EXOC6B: variants seen among roughly 807,000 people sequenced by gnomAD.
EXOC6B encodes exocyst complex component 6B.
In EXOC6B, 54 loss-of-function variants were observed where a neutral mutation model predicts 113.5. The ratio of observed to expected loss-of-function variants is 0.48; its 90% CI spans 0.38 to 0.60. The LOEUF is 0.60. EXOC6B is among the 20% of genes least tolerant of loss of function. The probability of loss-of-function intolerance (pLI) is 0.00; values close to 1 mark genes in which losing one functional copy is unlikely to be tolerated. For missense variants in EXOC6B, 797 were observed against 977.5 expected (o/e 0.82, Z 2.46); for synonymous variants, 357 against 339.0 (o/e 1.05, Z -0.58).
chr2:72,379,672 T>C, intron 19 of EXOC6B, 57 bp downstream of exon 19: 1 of 1,534,090 alleles, frequency 6.5e-7, no homozygotes, highest in Non-Finnish European at 8.8e-7. Flanking sequence ...TTTTTTCCCC[T>C]GACAGAAATG....
At position 72,620,100 on chromosome 2, in the gene EXOC6B, C is replaced by G. The variant is rs111563008; in HGVS notation, c.670-44432G>C. 5.4e-4 allele frequency among the ~76,000 whole-genome samples: 82 copies of G among 152,358 alleles called. 1 individual carries two copies. The highest frequency in any genetic ancestry group is 1.8e-3 in the African/African-American group (74 of 41,584). On this transcript the variant is annotated intron_variant, in intron 6 of 21. Coordinates refer to ENST00000272427, the MANE Select transcript of EXOC6B (RefSeq NM_015189.3). ...GGTGCATCTATTCCTCCCAGTCCTT[C>G]GAGGAAGCTGGCCTCACTATCTTCT...
intron 11 of EXOC6B, among the ~76,000 whole-genome samples, chr2:72,505,989 C>G: frequency 6.6e-6 from 1 of 152,040 alleles, no homozygotes; most frequent in East Asian, 1.9e-4. Context: ...GAAACTCAAC[C>G]AAATATATTA....
chr2:72,800,049 A>G (rs943496674), intron 1 of EXOC6B, among the ~76,000 whole-genome samples: 2 of 152,152 alleles, frequency 1.3e-5, no homozygotes, highest in African/African-American at 4.8e-5. Context: ...TGGGCAACAG[A>G]GCAAGACCGT....
chr2:72,693,592 G>A (rs1677656810), intron 6 of EXOC6B, among the ~76,000 whole-genome samples: 1 of 152,084 alleles, frequency 6.6e-6, no homozygotes, highest in South Asian at 2.1e-4. Context: ...CAATGCACAA[G>A]ATCAAACAAT....
chr2:72,464,788 A>C (rs1697933657), intron 18 of EXOC6B: 5 of 211,072 alleles, frequency 2.4e-5, no homozygotes, highest in Non-Finnish European at 4.7e-5. Flanking sequence ...TCATCAAAGA[A>C]TTTCAGTTTA....
At chr2:72,633,786 C>T (rs1672643516) in intron 6 of EXOC6B, among the ~76,000 whole-genome samples, 1 of 151,968 alleles carries the variant, frequency 6.6e-6, no homozygotes, top group South Asian at 2.1e-4. Flanking sequence ...CAGGGTCTGT[C>T]CCATTAAATA....
chr2:72,768,949 CA>C (rs577764550), intron 1 of EXOC6B, among the ~76,000 whole-genome samples: 1 of 150,988 alleles, frequency 6.6e-6, no homozygotes, highest in Non-Finnish European at 1.5e-5. Flanking sequence ...CCTGTCTCTA[CA>C]AAAAAAAATT....
intron 5 of EXOC6B, among the ~76,000 whole-genome samples, chr2:72,721,364 T>TA (rs11408155): frequency 0.15 from 4,202 of 28,402 alleles, 726 homozygotes; most frequent in African/African-American, 0.52. Context: ...GTTGTTTTTG[T>TA]AAAAAAAAAA....
intron 20 of EXOC6B, among the ~76,000 whole-genome samples, chr2:72,253,494 T>C (rs941114873): frequency 6.6e-6 from 1 of 152,150 alleles, no homozygotes; most frequent in Admixed American, 6.5e-5. Flanking sequence ...TACATATATG[T>C]CATAGAATAC....
At chr2:72,685,623 A>T in intron 6 of EXOC6B, among the ~76,000 whole-genome samples, 1 of 152,178 alleles carries the variant, frequency 6.6e-6, no homozygotes, top group Non-Finnish European at 1.5e-5. Flanking sequence ...ATACTCACTA[A>T]CATTCTTAGG....
chr2:72,798,618 A>G (rs1176111712), intron 1 of EXOC6B, among the ~76,000 whole-genome samples: 1 of 152,194 alleles, frequency 6.6e-6, no homozygotes, highest in Non-Finnish European at 1.5e-5. Context: ...TTAGGTTGCC[A>G]TAAACCATAA....
chr2:72,760,348 T>G (rs761901540), intron 1 of EXOC6B, among the ~76,000 whole-genome samples: 4 of 152,232 alleles, frequency 2.6e-5, no homozygotes, highest in Non-Finnish European at 5.9e-5. Flanking sequence ...TTACTGATGG[T>G]CACAGACTTA....
intron 16 of EXOC6B, among the ~76,000 whole-genome samples, chr2:72,486,871 C>A (rs11695400): frequency 0.13 from 18,842 of 144,086 alleles, 1,296 homozygotes; most frequent in African/African-American, 0.18. Flanking sequence ...AAAAATAAAA[C>A]AAAAAAAAAA....
chr2:72,459,599 T>A (rs918729067), intron 18 of EXOC6B, among the ~76,000 whole-genome samples: 6 of 152,114 alleles, frequency 3.9e-5, no homozygotes, highest in African/African-American at 1.2e-4. Flanking sequence ...TGAACTCTCA[T>A]TCACAATTGC....
chr2:72,372,651 C>T (rs1691104198), intron 19 of EXOC6B, among the ~76,000 whole-genome samples: 1 of 152,060 alleles, frequency 6.6e-6, no homozygotes. Context: ...CGAGACCATC[C>T]TGGCTAACAT....
chr2:72,810,930 C>T (rs1685878074), intron 1 of EXOC6B, among the ~76,000 whole-genome samples: 1 of 151,932 alleles, frequency 6.6e-6, no homozygotes, highest in Non-Finnish European at 1.5e-5. Flanking sequence ...ACCTGTAGTT[C>T]CAGCTACTCA....
intron 1 of EXOC6B, among the ~76,000 whole-genome samples, chr2:72,758,164 C>G (rs1682543882): frequency 3.0e-5 from 1 of 33,454 alleles, no homozygotes; most frequent in Admixed American, 4.3e-4. Flanking sequence ...GAGACTCTGT[C>G]TCAAAAAAAA....
At chr2:72,776,272 T>C (rs759179959) in intron 1 of EXOC6B, among the ~76,000 whole-genome samples, 1 of 152,206 alleles carries the variant, frequency 6.6e-6, no homozygotes, top group African/African-American at 2.4e-5. Context: ...AAGCAAGATA[T>C]CAAATTCAGA....
intron 6 of EXOC6B, among the ~76,000 whole-genome samples, chr2:72,699,604 G>GA (rs571606989): frequency 3.5e-4 from 54 of 152,256 alleles, no homozygotes; most frequent in African/African-American, 1.2e-3. Flanking sequence ...CACTCTGTTG[G>GA]AAAGTAGGCT....
Sources: allele counts gnomAD v4.1 joint callset (sites outside exome capture counted in the v4.1 genomes callset), GRCh38; gene constraint gnomAD v4.1.1; transcripts MANE v1.5; gene names NCBI Gene and HGNC (gene_info 2026-07-23, HGNC 2026-07-21).